Variants in PIK3AP1 observed in about 807,000 individuals in gnomAD.
PIK3AP1 encodes phosphoinositide-3-kinase adaptor protein 1, also known as phosphoinositide 3-kinase adapter protein 1.
In PIK3AP1, 21 loss-of-function variants were observed where a neutral mutation model predicts 88.1. The observed-to-expected ratio is 0.24, with a 90% CI of 0.17 to 0.34. PIK3AP1 has a LOEUF of 0.34. Ranked by LOEUF, PIK3AP1 falls within the 10% of genes least tolerant of loss-of-function variation. The pLI is 1.00. For missense variants in PIK3AP1, 828 were observed against 1,035.7 expected, an observed-to-expected ratio of 0.80 and a Z score of 2.75; for synonymous variants, 398 against 400.0, an observed-to-expected ratio of 1.00 and a Z score of 0.06.
chr10:96,606,815 T>C (rs1234149434), intron 14 of PIK3AP1, among the ~76,000 whole-genome samples: 5 of 152,210 alleles, frequency 3.3e-5, no homozygotes, highest in African/African-American at 1.2e-4. Context: ...TCTAGCTCAG[T>C]ATACAAAGAG....
At chr10:96,617,946 C>T (rs1466645406) in intron 12 of PIK3AP1, among the ~76,000 whole-genome samples, 1 of 152,158 alleles carries the variant, frequency 6.6e-6, no homozygotes, top group Non-Finnish European at 1.5e-5. Flanking sequence ...TGAAGGAAAG[C>T]TTCAATGTCC....
At chr10:96,601,363 A>G (rs1487404013) in intron 16 of PIK3AP1, among the ~76,000 whole-genome samples, 3 of 150,764 alleles carry the variant, frequency 2.0e-5, no homozygotes, top group African/African-American at 4.9e-5. Context: ...AATCCCAGCT[A>G]CTCGGAAGGC....
At chr10:96,702,088 G>A (rs1189632891) in intron 2 of PIK3AP1, among the ~76,000 whole-genome samples, 1 of 152,140 alleles carries the variant, frequency 6.6e-6, no homozygotes. Flanking sequence ...ACTTATATGT[G>A]GAATCCAAAA....
chr10:96,612,982 ATTTTTTTTTTTTTTT>A (rs3979626), intron 13 of PIK3AP1, among the ~76,000 whole-genome samples: 34 of 34,782 alleles, frequency 9.8e-4, no homozygotes, highest in South Asian at 6.7e-3. Flanking sequence ...ATATATATAT[ATTTTTTTTTTTTTTT>A]TTTTTTTTTT....
chr10:96,639,237 C>T (rs757874753), intron 8 of PIK3AP1, among the ~76,000 whole-genome samples: 1 of 152,160 alleles, frequency 6.6e-6, no homozygotes, highest in Non-Finnish European at 1.5e-5. Context: ...AATACTGACA[C>T]ACTATTCCAC....
chr10:96,644,315 C>G (rs537578717), intron 8 of PIK3AP1, among the ~76,000 whole-genome samples: 1 of 152,264 alleles, frequency 6.6e-6, no homozygotes, highest in Admixed American at 6.5e-5. Flanking sequence ...TTAAAAAGTA[C>G]GTATGATACA....
At chr10:96,661,861 A>G (rs557983573) in intron 2 of PIK3AP1, among the ~76,000 whole-genome samples, 53 of 147,560 alleles carry the variant, frequency 3.6e-4, no homozygotes, top group Middle Eastern at 3.5e-3. Context: ...AGGGAAAGGA[A>G]AGGGAAAGGA....
chr10:96,709,026 G>A (rs189406647), intron 2 of PIK3AP1, among the ~76,000 whole-genome samples: 229 of 151,624 alleles, frequency 1.5e-3, no homozygotes, highest in Non-Finnish European at 2.8e-3. Context: ...CCAGCTACTC[G>A]GGAGGCTAAG....
Position 96,626,743 on chromosome 10 carries a change from T to C in PIK3AP1, c.1634A>G (p.His545Arg). 6.2e-7 allele frequency: 1 copy of C among 1,614,240 alleles called. No individual in the cohort carries two copies. Residue 545 changes from histidine (H) to arginine (R), a missense_variant, in exon 10 of 17, where the codon CAC becomes CGC. Physicochemically the swap from His to Arg is conservative, Grantham distance 29. Around this residue, in one of 3 missense-constraint regions of PIK3AP1, gnomAD observed 610 missense variants for 760.1 expected, o/e 0.80. Coordinates refer to ENST00000339364, the MANE Select transcript of PIK3AP1 (RefSeq NM_152309.3). ...PRPETTAPGAHQLPDNEPYIF... is the reference protein window; with the variant it reads ...PRPETTAPGARQLPDNEPYIF... ...GTATGGTTCGTTGTCAGGCAGCTGG[T>C]GAGCACCAGGAGCAGTGGTCTCTGG...
chr10:96,685,654 G>C (rs968329503), intron 2 of PIK3AP1, among the ~76,000 whole-genome samples: 9 of 152,220 alleles, frequency 5.9e-5, no homozygotes, highest in Non-Finnish European at 1.3e-4. Context: ...CTGGTGACTA[G>C]AGCCAGGATT....
intron 10 of PIK3AP1, 88 bp downstream of exon 10, chr10:96,626,620 G>A (rs1453908589): frequency 7.3e-6 from 10 of 1,375,890 alleles, no homozygotes; most frequent in Non-Finnish European, 1.0e-5. Flanking sequence ...TAGTCTCTGA[G>A]CAATGGTTCA....
At chr10:96,596,232 C>G (rs1197592981) in intron 16 of PIK3AP1, among the ~76,000 whole-genome samples, 1 of 152,180 alleles carries the variant, frequency 6.6e-6, no homozygotes, top group Non-Finnish European at 1.5e-5. Context: ...CCTTATGCCT[C>G]AGAGCCAATG....
At chr10:96,685,800 G>C (rs1440046910) in intron 2 of PIK3AP1, among the ~76,000 whole-genome samples, 4 of 152,210 alleles carry the variant, frequency 2.6e-5, no homozygotes, top group Non-Finnish European at 5.9e-5. Context: ...ACACAGGGCA[G>C]AGCATGGAGG....
chr10:96,647,981 G>A (rs942624641), intron 7 of PIK3AP1, among the ~76,000 whole-genome samples: 1 of 152,180 alleles, frequency 6.6e-6, no homozygotes, highest in African/African-American at 2.4e-5. Context: ...CAATGTTTGA[G>A]GAGGAGCTGA....
intron 13 of PIK3AP1, among the ~76,000 whole-genome samples, chr10:96,612,804 A>C (rs1265015213): frequency 6.6e-5 from 10 of 151,188 alleles, no homozygotes; most frequent in Non-Finnish European, 1.0e-4. Context: ...TCACTTCTCC[A>C]TCCCCTACCA....
At position 96,652,441 on chromosome 10, in the gene PIK3AP1, T is replaced by C. The variant is rs184576037; in HGVS notation, c.712+257A>G. Among the ~76,000 whole-genome samples, 707 of 151,960 alleles carry C rather than the reference T, an allele frequency of 4.7e-3. 2 individuals carry two copies. The highest frequency in any genetic ancestry group is 0.016 in the African/African-American group (670 of 41,432). On this transcript the variant is annotated intron_variant, in intron 4 of 16. Transcript: ENST00000339364. ...ACAAAAAATTAGTCAGGTGTGGTGG[T>C]GGGTGCCTGTAGTCCCAGCTACTTG...
At chr10:96,704,797 T>C (rs1844341646) in intron 2 of PIK3AP1, among the ~76,000 whole-genome samples, 1 of 152,036 alleles carries the variant, frequency 6.6e-6, no homozygotes, top group East Asian at 1.9e-4. Flanking sequence ...TATATGCATA[T>C]TTACAAGATC....
At chr10:96,645,737 C>T in intron 7 of PIK3AP1, 75 bp from the exon 8 acceptor site, 1 of 1,332,224 alleles carries the variant, frequency 7.5e-7, no homozygotes, top group Non-Finnish European at 1.0e-6. Flanking sequence ...CCCGAAGGCA[C>T]TTGTGGCCAG....
At chr10:96,653,642 C>T (rs1009059365) in intron 3 of PIK3AP1, among the ~76,000 whole-genome samples, 1 of 151,632 alleles carries the variant, frequency 6.6e-6, no homozygotes, top group African/African-American at 2.4e-5. Context: ...CACCTGCCAC[C>T]ACACCCGGCA....
Sources: allele counts gnomAD v4.1 joint callset (sites outside exome capture counted in the v4.1 genomes callset), GRCh38; gene constraint gnomAD v4.1.1; regional missense constraint gnomAD v4.1.1; transcripts MANE v1.5; gene names NCBI Gene and HGNC (gene_info 2026-07-23, HGNC 2026-07-21).